The following LMNB1 variants were observed in gnomAD, a reference collection of about 807,000 sequenced individuals.
LMNB1 encodes lamin-B1.
In LMNB1, 23 loss-of-function variants were observed where a neutral mutation model predicts 67.1. That is an observed-to-expected ratio of 0.34 (90% CI 0.25 to 0.49). The LOEUF (loss-of-function observed/expected upper bound fraction) is 0.49, where lower values mean the gene tolerates loss of function less well. Ranked by LOEUF, LMNB1 falls within the 20% of genes least tolerant of loss-of-function variation. The pLI is 0.99. For synonymous variants in LMNB1, 281 were observed against 282.9 expected (o/e 0.99, Z 0.07); for missense variants, 634 against 746.5 (o/e 0.85, Z 1.76).
chr5:126,785,605 G>C (rs1297153845), intron 1 of LMNB1, among the ~76,000 whole-genome samples: 1 of 151,590 alleles, frequency 6.6e-6, no homozygotes, highest in Non-Finnish European at 1.5e-5. Context: ...TTACAGGTGT[G>C]AGCCACGGTG....
chr5:126,820,839 G>GTTTT, intron 6 of LMNB1, 71 bp from the exon 7 acceptor site: 3 of 1,050,092 alleles, frequency 2.9e-6, no homozygotes, highest in Non-Finnish European at 4.1e-6. Context: ...TTGTTTTTTT[G>GTTTT]TTTTTTTTTT....
chr5:126,818,214 T>C (rs1751760210), intron 5 of LMNB1, among the ~76,000 whole-genome samples: 1 of 151,732 alleles, frequency 6.6e-6, no homozygotes, highest in Non-Finnish European at 1.5e-5. Context: ...ACTCTTAGGT[T>C]TATTTTGTCA....
At chr5:126,786,132 T>TTTTG (rs1206114282) in intron 1 of LMNB1, among the ~76,000 whole-genome samples, 1 of 123,696 alleles carries the variant, frequency 8.1e-6, no homozygotes, top group Non-Finnish European at 1.8e-5. Flanking sequence ...TTTTTTTTTT[T>TTTTG]GATGCAGAGT....
rs80094184 is a variant in LMNB1, at chr5:126,781,020, C to T, written c.359+3153C>T. Among the ~76,000 whole-genome samples the T allele has an allele frequency of 3.9e-5, 6 of 152,222 alleles. No homozygotes were observed. The East Asian group carries it at 9.6e-4, about 24-fold the overall frequency. On this transcript the variant is annotated intron_variant, in intron 1 of 10. Transcript: ENST00000261366. ...TTAAAGACAGCTTCCTGGCCAGGCA[C>T]GGTGGCTCACACCTGTAAAGCACTT...
intron 1 of LMNB1, among the ~76,000 whole-genome samples, chr5:126,782,517 G>A (rs1750656915): frequency 6.6e-6 from 1 of 152,072 alleles, no homozygotes; most frequent in Non-Finnish European, 1.5e-5. Context: ...TTCAAACTCT[G>A]GAAGTATAGA....
chr5:126,777,638 G>T lies in LMNB1; in HGVS notation c.130G>T (p.Ala44Ser). ...GCTGCGCGAGCTCAATGACCGGCTG[G>T]CGGTGTACATCGACAAGGTGCGCAG... ...EELRELNDRL[A>S]VYIDKVRSLE... is the part of the protein sequence containing the mutation. The change falls in exon 1 of 11, where the codon GCG (alanine) becomes TCG (serine). Residue 44 changes from alanine to serine, a missense_variant. By Grantham distance (99) the Ala-to-Ser change is moderately conservative. Coordinates refer to ENST00000261366, the MANE Select transcript of LMNB1 (RefSeq NM_005573.4). 1 of 1,543,448 alleles carries T rather than the reference G, an allele frequency of 6.5e-7. No individual in the cohort carries two copies. The highest frequency in any genetic ancestry group is 8.7e-7 in the Non-Finnish European group (1 of 1,144,336).
intron 9 of LMNB1, among the ~76,000 whole-genome samples, chr5:126,827,955 C>G (rs1241334859): frequency 6.6e-6 from 1 of 152,186 alleles, no homozygotes; most frequent in Admixed American, 6.5e-5. Context: ...AGAGGAAGCA[C>G]ACTGAGGGCA....
intron 1 of LMNB1, among the ~76,000 whole-genome samples, chr5:126,794,859 AT>A (rs1300201752): frequency 6.6e-6 from 1 of 152,172 alleles, no homozygotes; most frequent in African/African-American, 2.4e-5. Flanking sequence ...CCTGTAATAT[AT>A]TTGTTTTTCT....
At chr5:126,779,940 G>T (rs1036126882) in intron 1 of LMNB1, among the ~76,000 whole-genome samples, 3 of 152,200 alleles carry the variant, frequency 2.0e-5, no homozygotes, top group Non-Finnish European at 2.9e-5. Context: ...GCTGAGGCAG[G>T]AGAATCGCTT....
chr5:126,785,779 C>T (rs1476203127), intron 1 of LMNB1, among the ~76,000 whole-genome samples: 3 of 152,026 alleles, frequency 2.0e-5, no homozygotes, highest in South Asian at 2.1e-4. Flanking sequence ...TTTTGGAGGC[C>T]GAGGTGGGCG....
rs368078338 is a variant in LMNB1, at chr5:126,826,147, A to G, written c.1611+40A>G. 3.2e-6 allele frequency: 5 copies of G among 1,578,000 alleles called. No homozygotes were observed. The Admixed American group carries it at 5.3e-5, about 17-fold the overall frequency. On this transcript the variant is annotated intron_variant, in intron 9 of 10. Transcript: ENST00000261366. ...TCAGGACCACCACAATGTTAATTTC[A>G]CTTAAAGTTCACTGTGCAAGTATAA...
chr5:126,828,556 A>T (rs1752053597), intron 9 of LMNB1, among the ~76,000 whole-genome samples: 1 of 150,824 alleles, frequency 6.6e-6, no homozygotes, highest in African/African-American at 2.4e-5. Flanking sequence ...TATTTGATTG[A>T]TTGATTGGTT....
At chr5:126,785,743 G>C (rs1360995188) in intron 1 of LMNB1, among the ~76,000 whole-genome samples, 23 of 151,116 alleles carry the variant, frequency 1.5e-4, no homozygotes, top group Admixed American at 1.5e-3. Context: ...GTTGGGACCA[G>C]CGGCTCATGC....
intron 1 of LMNB1, among the ~76,000 whole-genome samples, chr5:126,797,333 G>A (rs1424590945): frequency 1.3e-5 from 2 of 152,150 alleles, no homozygotes; most frequent in Non-Finnish European, 2.9e-5. Flanking sequence ...TCAGGAGCGT[G>A]TATATTTCTA....
At chr5:126,784,276 G>C (rs1303206739) in intron 1 of LMNB1, among the ~76,000 whole-genome samples, 1 of 152,064 alleles carries the variant, frequency 6.6e-6, no homozygotes, top group Admixed American at 6.6e-5. Flanking sequence ...TGATCCGCCC[G>C]CCTTGGCCTC....
At position 126,805,714 on chromosome 5, in the gene LMNB1, T is replaced by C. The variant is rs1166681656; in HGVS notation, c.642+18T>C. 6.3e-7 allele frequency: 1 copy of C among 1,583,758 alleles called. No homozygotes were observed. Among genetic ancestry groups the C allele is most frequent in the Non-Finnish European group, 8.6e-7 (1 of 1,163,676 alleles). On this transcript the variant is annotated intron_variant, in intron 3 of 10. Transcript: ENST00000261366. The stretch of plus-strand genomic sequence containing the variant: ...ATGAAGAGGTAACTATATATAATTT[T>C]GCTTTGTAAAGGAATGGAGGGGTTC...
At chr5:126,809,414 AGGT>A (rs1250504233) in intron 3 of LMNB1, among the ~76,000 whole-genome samples, 1 of 152,070 alleles carries the variant, frequency 6.6e-6, no homozygotes, top group African/African-American at 2.4e-5. Flanking sequence ...TGGCTGGGCA[AGGT>A]GGTTCACACC....
intron 1 of LMNB1, among the ~76,000 whole-genome samples, chr5:126,778,307 T>C (rs1379748651): frequency 6.6e-6 from 1 of 151,984 alleles, no homozygotes; most frequent in Non-Finnish European, 1.5e-5. Context: ...GGATTTGCAG[T>C]GCCGGGATGG....
chr5:126,793,003 CT>C (rs550896491), intron 1 of LMNB1, among the ~76,000 whole-genome samples: 59 of 152,242 alleles, frequency 3.9e-4, no homozygotes, highest in South Asian at 1.0e-3. Flanking sequence ...TCTTTGGGAG[CT>C]TTTATGTGTG....
Sources: gnomAD v4.1 joint callset for allele counts (sites outside exome capture counted in the v4.1 genomes callset) on GRCh38, gnomAD v4.1.1 for gene constraint, MANE v1.5 for transcripts, NCBI Gene and HGNC (gene_info 2026-07-23, HGNC 2026-07-21) for gene names.